The following BAZ1A variants were observed in gnomAD, a reference collection of about 807,000 sequenced individuals.
The protein encoded by BAZ1A is bromodomain adjacent to zinc finger domain 1A.
BAZ1A carries 50 observed loss-of-function variants against 185.2 expected under a neutral mutation model. The observed-to-expected ratio is 0.27, with a 90% CI of 0.22 to 0.34. The LOEUF (loss-of-function observed/expected upper bound fraction) is 0.34. Among genes scored for constraint, BAZ1A ranks in the 10% least tolerant of loss-of-function variants. The pLI is 1.00. For synonymous variants in BAZ1A, 571 were observed against 615.6 expected (o/e 0.93, Z 1.07); for missense variants, 1,356 against 1,839.9 (o/e 0.74, Z 4.81).
intron 21 of BAZ1A, among the ~76,000 whole-genome samples, chr14:34,765,768 T>C (rs1394238388): frequency 6.6e-6 from 1 of 152,144 alleles, no homozygotes; most frequent in Non-Finnish European, 1.5e-5. Context: ...CTAATATTTA[T>C]ATAGAAACAT....
chr14:34,820,967 C>T (rs1383424589), intron 4 of BAZ1A, among the ~76,000 whole-genome samples: 1 of 151,904 alleles, frequency 6.6e-6, no homozygotes, highest in African/African-American at 2.4e-5. Context: ...AGTGTAGTTT[C>T]AGAGTAAGTC....
At chr14:34,805,396 T>C (rs987063002) in intron 6 of BAZ1A, among the ~76,000 whole-genome samples, 10 of 152,220 alleles carry the variant, frequency 6.6e-5, no homozygotes, top group Non-Finnish European at 1.3e-4. Context: ...TGGTGAAATA[T>C]TTGCTGATGT....
At chr14:34,774,972 T>G (rs774707276) in intron 18 of BAZ1A, among the ~76,000 whole-genome samples, 1 of 152,208 alleles carries the variant, frequency 6.6e-6, no homozygotes, top group Non-Finnish European at 1.5e-5. Flanking sequence ...CCCAGCACTT[T>G]GGGAGACCAA....
intron 16 of BAZ1A, among the ~76,000 whole-genome samples, chr14:34,782,578 AC>A (rs1249069384): frequency 6.6e-6 from 1 of 152,130 alleles, no homozygotes; most frequent in Non-Finnish European, 1.5e-5. Context: ...ATTTTCTTCT[AC>A]TGCGAGTTTG....
Position 34,780,270 on chromosome 14 carries a change from T to A in BAZ1A, c.2152A>T (p.Lys718Ter). Residue 718 changes from lysine to a stop codon, truncating the protein, a stop_gained, in exon 17 of 27, where the codon AAA becomes TAA. Transcript: ENST00000360310. LOFTEE classifies it high-confidence loss of function. ...TCTAATTCCTTTTGCTCTGTGTCTT[T>A]GCTCTCAATGCTAGTATCAAAATCT... is the stretch of plus-strand genomic sequence containing the variant. The part of the protein sequence containing the change: ...REDFDTSIES[K>*]DTEQKELDQD... 6.2e-7 allele frequency: 1 copy of A among 1,613,392 alleles called. No individual in the cohort carries two copies.
chr14:34,762,173 C>T lies in BAZ1A; in HGVS notation c.3827G>A (p.Gly1276Glu), dbSNP rs758349533. Residue 1276 changes from glycine (G) to glutamate (E), a missense_variant, in exon 24 of 27, where the codon GGG becomes GAG. This residue lies in a region of BAZ1A where 309 missense variants were observed against 355.3 expected (regional missense o/e 0.87). Coordinates refer to ENST00000360310, the MANE Select transcript of BAZ1A (RefSeq NM_013448.3). ...ACTTGAGAAAGAAGAGCTAAGTTTC[C>T]CTCTTGTTTTAACTGGCAATCTAAC... ...PQVRLPVKTR[G>E]KLSSSFSSRG... The T allele has an allele frequency of 1.3e-5, 21 of 1,613,992 alleles. 1 individual carries two copies. The highest frequency in any genetic ancestry group is 1.7e-6 in the Non-Finnish European group (2 of 1,180,020).
At chr14:34,828,985 A>G (rs903649389) in intron 3 of BAZ1A, among the ~76,000 whole-genome samples, 2 of 152,212 alleles carry the variant, frequency 1.3e-5, no homozygotes, top group African/African-American at 4.8e-5. Context: ...TGCTTCTTGT[A>G]AAGACCATTT....
intron 3 of BAZ1A, among the ~76,000 whole-genome samples, chr14:34,838,432 A>G (rs2042361293): frequency 6.6e-6 from 1 of 152,142 alleles, no homozygotes; most frequent in Non-Finnish European, 1.5e-5. Context: ...CCCTGTAGAA[A>G]TGTTCTGTAT....
chr14:34,826,537 T>TA (rs1442565093), intron 3 of BAZ1A, among the ~76,000 whole-genome samples: 2 of 152,216 alleles, frequency 1.3e-5, no homozygotes, highest in Non-Finnish European at 1.5e-5. Context: ...TTTTGCTGTA[T>TA]CCCATAAATT....
chr14:34,766,697 A>T (rs1417258001), intron 21 of BAZ1A, among the ~76,000 whole-genome samples: 3 of 152,222 alleles, frequency 2.0e-5, no homozygotes, highest in African/African-American at 7.2e-5. Flanking sequence ...ATAGGCTAAG[A>T]TTTTAAAGTA....
At chr14:34,754,294 C>CTG (rs1886142953) in intron 26 of BAZ1A, among the ~76,000 whole-genome samples, 1 of 149,726 alleles carries the variant, frequency 6.7e-6, no homozygotes, top group East Asian at 2.0e-4. Context: ...TGGCCTGCAC[C>CTG]TGTGGTCCCA....
chr14:34,762,539 C>T (rs1020591667), intron 23 of BAZ1A, among the ~76,000 whole-genome samples: 4 of 150,992 alleles, frequency 2.6e-5, no homozygotes, highest in African/African-American at 9.8e-5. Flanking sequence ...TGCTGTAGTA[C>T]GATCACGGCT....
At chr14:34,771,709 T>C (rs377172974) in intron 20 of BAZ1A, 50 bp from the exon 21 acceptor site, 125 of 1,559,248 alleles carry the variant, frequency 8.0e-5, no homozygotes, top group Non-Finnish European at 9.9e-5. Context: ...CACTATTAGG[T>C]AAAACTTGAG....
intron 17 of BAZ1A, 173 bp downstream of exon 17, chr14:34,780,013 A>G: frequency 1.4e-6 from 1 of 730,002 alleles, no homozygotes; most frequent in East Asian, 2.7e-5. Context: ...ATAGGACTTC[A>G]TAACACATTT....
chr14:34,816,330 A>G (rs959548358), intron 4 of BAZ1A, among the ~76,000 whole-genome samples: 3 of 151,836 alleles, frequency 2.0e-5, no homozygotes, highest in Admixed American at 6.6e-5. Flanking sequence ...CTCGTGATCC[A>G]CCCGCCCTGG....
At chr14:34,827,916 A>G (rs2042186518) in intron 3 of BAZ1A, among the ~76,000 whole-genome samples, 1 of 151,132 alleles carries the variant, frequency 6.6e-6, no homozygotes, top group Admixed American at 6.6e-5. Flanking sequence ...TAACTCTATC[A>G]CCCCTATTCT....
chr14:34,860,826 A>G (rs561166836), intron 3 of BAZ1A, among the ~76,000 whole-genome samples: 27 of 152,162 alleles, frequency 1.8e-4, no homozygotes, highest in Admixed American at 7.9e-4. Context: ...TGAACCTGGG[A>G]GGTGGAGGTT....
intron 24 of BAZ1A, among the ~76,000 whole-genome samples, chr14:34,761,266 ACT>A (rs1483966926): frequency 6.6e-6 from 1 of 152,124 alleles, no homozygotes; most frequent in Non-Finnish European, 1.5e-5. Context: ...ACAGAGCTAG[ACT>A]CTGTCAGTCA....
In BAZ1A at chr14:34,777,469, T is replaced by A. The variant is rs556087446; in HGVS notation, c.2237-954A>T. 1.8e-4 allele frequency among the ~76,000 whole-genome samples: 26 copies of A among 145,280 alleles called. No homozygotes were observed. The East Asian group carries it at 5.5e-3, about 31-fold the overall frequency. ...AACCAGCCTGGCCAACATGGTGAAA[T>A]CCCGTCTCCACTAAAAATACAAAAA... On this transcript the variant is annotated intron_variant, in intron 17 of 26. Transcript: ENST00000360310.
Sources: allele counts gnomAD v4.1 joint callset (sites outside exome capture counted in the v4.1 genomes callset), GRCh38; gene constraint gnomAD v4.1.1; regional missense constraint gnomAD v4.1.1; transcripts MANE v1.5; gene names NCBI Gene and HGNC (gene_info 2026-07-23, HGNC 2026-07-21).